ENPP2: variants seen among roughly 807,000 people sequenced by gnomAD.
The protein encoded by ENPP2 is autotaxin.
A neutral mutation model predicts 120.2 loss-of-function variants in ENPP2; 51 were observed. The observed-to-expected ratio is 0.42, with a 90% confidence interval of 0.34 to 0.54. The LOEUF is 0.54. ENPP2 is among the 20% of genes least tolerant of loss of function. The probability of loss-of-function intolerance (pLI) is 0.04; values close to 1 mark genes in which losing one functional copy is unlikely to be tolerated. For synonymous variants in ENPP2, 365 were observed against 366.4 expected (o/e 1.00, Z 0.04); for missense variants, 920 against 1,066.5 (o/e 0.86, Z 1.91).
intron 8 of ENPP2, among the ~76,000 whole-genome samples, chr8:119,614,597 T>C (rs1335587775): frequency 6.6e-6 from 1 of 152,250 alleles, no homozygotes; most frequent in Non-Finnish European, 1.5e-5. Flanking sequence ...ATATGTGGCC[T>C]CATCTTCTTC....
chr8:119,671,263 T>A (rs1339047990), intron 1 of ENPP2, among the ~76,000 whole-genome samples: 1 of 151,970 alleles, frequency 6.6e-6, no homozygotes, highest in Non-Finnish European at 1.5e-5. Context: ...ATTGCGCCAC[T>A]GCACTCCAGT....
chr8:119,669,701 A>G (rs1038593191), intron 1 of ENPP2, among the ~76,000 whole-genome samples: 1 of 152,220 alleles, frequency 6.6e-6, no homozygotes, highest in Admixed American at 6.5e-5. Context: ...GAACCCACTG[A>G]AAGTTCATAC....
intron 1 of ENPP2, among the ~76,000 whole-genome samples, chr8:119,658,159 G>T (rs1213844068): frequency 6.6e-6 from 1 of 152,176 alleles, no homozygotes; most frequent in Non-Finnish European, 1.5e-5. Context: ...GCCAGGTATT[G>T]TTTTAAATAC....
intron 24 of ENPP2, among the ~76,000 whole-genome samples, chr8:119,558,606 C>T (rs16892741): frequency 0.032 from 4,815 of 152,130 alleles, 260 homozygotes; most frequent in African/African-American, 0.11. Context: ...GGAAGCAGTT[C>T]TTTGCATCTC....
chr8:119,593,256 C>T (rs540518709), intron 12 of ENPP2, among the ~76,000 whole-genome samples: 55 of 152,160 alleles, frequency 3.6e-4, no homozygotes, highest in Non-Finnish European at 6.8e-4. Flanking sequence ...CGGTTTGGAC[C>T]TTGACTTCCC....
chr8:119,608,037 A>G (rs1446291688), intron 8 of ENPP2, 60 bp from the exon 9 acceptor site: 13 of 1,221,896 alleles, frequency 1.1e-5, no homozygotes, highest in Non-Finnish European at 1.5e-5. Context: ...AAGAAGAAAA[A>G]GTTTTTAAAA....
chr8:119,657,364 G>A (rs1817796695), intron 1 of ENPP2, among the ~76,000 whole-genome samples: 1 of 152,190 alleles, frequency 6.6e-6, no homozygotes, highest in Non-Finnish European at 1.5e-5. Flanking sequence ...ACCATACCAT[G>A]CCTCCTCTAT....
At chr8:119,579,292 G>A (rs910968441) in intron 19 of ENPP2, among the ~76,000 whole-genome samples, 1 of 152,184 alleles carries the variant, frequency 6.6e-6, no homozygotes, top group East Asian at 1.9e-4. Flanking sequence ...TGGAAAAAAT[G>A]TACTTCCCTA....
chr8:119,604,505 A>G (rs929047781), intron 9 of ENPP2, among the ~76,000 whole-genome samples: 2 of 152,222 alleles, frequency 1.3e-5, no homozygotes, highest in Non-Finnish European at 2.9e-5. Flanking sequence ...AGAGCAAAAA[A>G]AGAAATGGGG....
At chr8:119,644,127 G>A (rs1817361533) in intron 1 of ENPP2, among the ~76,000 whole-genome samples, 1 of 152,044 alleles carries the variant, frequency 6.6e-6, no homozygotes, top group Non-Finnish European at 1.5e-5. Context: ...GCAACAAAAA[G>A]CCCTTAAAAG....
rs1818311164 is a variant in ENPP2, at chr8:119,673,328, T to G, written c.-56A>C. Reference sequence around the variant, plus strand: ...CGGGCGCTGCGGACGCGGCCTGGGCTGCAGCCCCGCGACCTGGGAGCTGTG... The same window carrying G: ...CGGGCGCTGCGGACGCGGCCTGGGCGGCAGCCCCGCGACCTGGGAGCTGTG... On this transcript the variant is annotated 5_prime_UTR_variant, in exon 1 of 26. Transcript: ENST00000427067. The G allele has an allele frequency of 5.2e-6, 8 of 1,531,800 alleles. No homozygotes were observed. In the South Asian group the frequency reaches 8.3e-5, roughly 16 times the overall value. 94.9% of individuals were successfully genotyped at this position (1,531,800 alleles called of 1,614,324 possible).
chr8:119,569,465 A>T (rs1209417217), intron 20 of ENPP2, 95 bp from the exon 21 acceptor site: 1 of 1,138,712 alleles, frequency 8.8e-7, no homozygotes, highest in Non-Finnish European at 1.2e-6. Flanking sequence ...TTGTATTCTG[A>T]TTGATAGTCT....
intron 2 of ENPP2, among the ~76,000 whole-genome samples, chr8:119,631,460 C>T (rs1429874862): frequency 6.6e-6 from 1 of 151,964 alleles, no homozygotes; most frequent in East Asian, 1.9e-4. Context: ...TTGTGATCCG[C>T]CCACCTTGGC....
intron 2 of ENPP2, among the ~76,000 whole-genome samples, chr8:119,630,774 C>T (rs1370908240): frequency 2.6e-5 from 4 of 151,938 alleles, no homozygotes; most frequent in Admixed American, 6.6e-5. Flanking sequence ...AATTCATTCT[C>T]GGATGATTTG....
At chr8:119,610,007 A>G (rs1289528764) in intron 8 of ENPP2, among the ~76,000 whole-genome samples, 1 of 152,230 alleles carries the variant, frequency 6.6e-6, no homozygotes, top group Non-Finnish European at 1.5e-5. Flanking sequence ...GGGAAAAAAG[A>G]TCACTGGAAG....
Position 119,616,377 on chromosome 8 carries a change from T to A in ENPP2, c.665A>T (p.Tyr222Phe), listed in dbSNP as rs1231018593. 2 of 1,594,120 alleles carry A rather than the reference T, an allele frequency of 1.3e-6. No individual in the cohort carries two copies. Among genetic ancestry groups the A allele is most frequent in the Non-Finnish European group, 1.7e-6 (2 of 1,165,692 alleles). ...GCCAACAATTCCATGTGATTCTGGA[T>A]ATAGCCCCTTTTTGTAAAAGCAAAT... ...PNLYTLATGL[Y>F]PESHGIVGNS... Residue 222 changes from tyrosine to phenylalanine, a missense_variant, in exon 8 of 25, where the codon TAT becomes TTT. Tyr to Phe is a conservative substitution (Grantham distance 22, BLOSUM62 3). Transcript: ENST00000075322.
chr8:119,670,131 A>T (rs896688896), intron 1 of ENPP2, among the ~76,000 whole-genome samples: 109 of 152,196 alleles, frequency 7.2e-4, no homozygotes, highest in African/African-American at 2.6e-3. Flanking sequence ...ACAGAGCCAA[A>T]ACTGCAAAAG....
intron 7 of ENPP2, 95 bp from the exon 8 acceptor site, chr8:119,616,479 A>T (rs1815468685): frequency 1.2e-6 from 1 of 862,296 alleles, no homozygotes; most frequent in Non-Finnish European, 1.7e-6. Flanking sequence ...AAGGTTTTAT[A>T]GCAATACTTA....
chr8:119,637,875 C>T (rs989124759), intron 2 of ENPP2, among the ~76,000 whole-genome samples: 3 of 152,140 alleles, frequency 2.0e-5, no homozygotes, highest in Admixed American at 1.3e-4. Flanking sequence ...CTTTCCTTTG[C>T]CATAAGGACA....
Sources: gnomAD v4.1 joint callset for allele counts (sites outside exome capture counted in the v4.1 genomes callset) on GRCh38, gnomAD v4.1.1 for gene constraint, MANE v1.5 for transcripts, NCBI Gene and HGNC (gene_info 2026-07-23, HGNC 2026-07-21) for gene names.